Variants in LTBP1 observed in about 807,000 individuals in gnomAD.
The protein encoded by LTBP1 is latent-transforming growth factor beta-binding protein 1.
Under a neutral mutation model 207.6 loss-of-function variants are expected in LTBP1, and 129 were observed. The observed-to-expected ratio is 0.62, with a 90% CI of 0.54 to 0.72. The LOEUF is 0.72. Ranked by LOEUF, LTBP1 falls within the 30% of genes least tolerant of loss-of-function variation. LTBP1 has a pLI of 0.00. For missense variants in LTBP1, 2,281 were observed against 2,217.2 expected (o/e 1.03, Z -0.58); for synonymous variants, 963 against 833.7 (o/e 1.16, Z -2.67).
intron 5 of LTBP1, among the ~76,000 whole-genome samples, chr2:33,158,399 G>A (rs959300287): frequency 6.6e-6 from 1 of 152,024 alleles, no homozygotes; most frequent in African/African-American, 2.4e-5. Context: ...AGACACAGAA[G>A]GCTACTTACT....
At chr2:32,964,498 A>G (rs1013442806) in intron 2 of LTBP1, among the ~76,000 whole-genome samples, 1 of 152,222 alleles carries the variant, frequency 6.6e-6, no homozygotes, top group Admixed American at 6.5e-5. Context: ...TATTAAAATC[A>G]TCAGTTATTG....
chr2:33,301,807 A>T (rs1305552613), intron 22 of LTBP1, among the ~76,000 whole-genome samples, 163 bp downstream of exon 22: 1 of 152,226 alleles, frequency 6.6e-6, no homozygotes, highest in African/African-American at 2.4e-5. Flanking sequence ...AATTCAAAGA[A>T]GGGAGTAGAG....
intron 20 of LTBP1, among the ~76,000 whole-genome samples, chr2:33,297,403 A>C (rs555537255): frequency 1.0e-3 from 10 of 9,572 alleles, no homozygotes; most frequent in Non-Finnish European, 3.6e-3. Flanking sequence ...ATACTGCTTT[A>C]TTTATTTATT....
In LTBP1 at chr2:33,077,131, A is replaced by G. The variant is rs555033226; in HGVS notation, c.864-33451A>G. On this transcript the variant is annotated intron_variant, in intron 3 of 33. Coordinates refer to ENST00000404816, the MANE Select transcript of LTBP1 (RefSeq NM_206943.4). ...GATAGTGTAAGAGGGCCACACGGCTATGGAGAATGTTCCATATAAGCTTCA... is the reference window on the plus strand; with the variant it reads ...GATAGTGTAAGAGGGCCACACGGCTGTGGAGAATGTTCCATATAAGCTTCA... 5.9e-5 allele frequency among the ~76,000 whole-genome samples: 9 copies of G among 152,308 alleles called. No homozygotes were observed. The South Asian group carries it at 1.0e-3, about 18-fold the overall frequency.
chr2:33,246,705 C>T (rs1007172339), intron 10 of LTBP1, among the ~76,000 whole-genome samples: 2 of 152,208 alleles, frequency 1.3e-5, no homozygotes, highest in Non-Finnish European at 2.9e-5. Flanking sequence ...CAACGGGAAG[C>T]ACTTTCTCTT....
At chr2:33,167,484 CAT>C (rs1395928134) in intron 5 of LTBP1, among the ~76,000 whole-genome samples, 2 of 152,182 alleles carry the variant, frequency 1.3e-5, no homozygotes, top group African/African-American at 2.4e-5. Flanking sequence ...TTCTGGAACT[CAT>C]ATGCTTTTGG....
intron 22 of LTBP1, among the ~76,000 whole-genome samples, chr2:33,308,579 C>CT (rs2094134253): frequency 6.6e-6 from 1 of 152,074 alleles, no homozygotes; most frequent in Non-Finnish European, 1.5e-5. Flanking sequence ...TATTCTTTGT[C>CT]TAAATGCATA....
At chr2:33,280,716 A>T (rs948042546) in intron 19 of LTBP1, among the ~76,000 whole-genome samples, 1 of 152,182 alleles carries the variant, frequency 6.6e-6, no homozygotes, top group Non-Finnish European at 1.5e-5. Context: ...AACTCTGAAT[A>T]TGTGAGTTAA....
intron 5 of LTBP1, among the ~76,000 whole-genome samples, chr2:33,167,485 A>C (rs2085029109): frequency 6.6e-6 from 1 of 152,242 alleles, no homozygotes; most frequent in South Asian, 2.1e-4. Context: ...TCTGGAACTC[A>C]TATGCTTTTG....
At chr2:32,985,455 TCC>T (rs1683407531) in intron 2 of LTBP1, among the ~76,000 whole-genome samples, 2 of 152,196 alleles carry the variant, frequency 1.3e-5, no homozygotes, top group African/African-American at 4.8e-5. Context: ...CTCTTCTGTC[TCC>T]TAGAGGAGCT....
At chr2:33,253,134 G>A (rs1039948091) in intron 11 of LTBP1, among the ~76,000 whole-genome samples, 9 of 152,120 alleles carry the variant, frequency 5.9e-5, no homozygotes, top group Non-Finnish European at 1.2e-4. Flanking sequence ...TGATATTTAA[G>A]TGTAGAGAGA....
At chr2:33,364,489 A>G (rs976147614) in intron 30 of LTBP1, 133 bp downstream of exon 30, 5 of 835,336 alleles carry the variant, frequency 6.0e-6, no homozygotes, top group African/African-American at 5.2e-5. Flanking sequence ...ATGAGATACA[A>G]TGAGATACTT....
rs2094948809 is a variant in LTBP1 at position 33,363,432 on chromosome 2, A to G, written c.4313A>G (p.Asn1438Ser). ...CTTTTTGGACAAGAAATCTGCAAAAATGGTTTCTGTTTGAACACTCGGCCT... is the reference window on the plus strand; with the variant it reads ...CTTTTTGGACAAGAAATCTGCAAAAGTGGTTTCTGTTTGAACACTCGGCCT... ...CLLFGQEICKNGFCLNTRPGY... is the reference protein window; with the variant it reads ...CLLFGQEICKSGFCLNTRPGY... The change falls in exon 29 of 34, where the codon AAT becomes AGT. Residue 1438 changes from asparagine to serine, a missense_variant. Around this residue, in one of 3 missense-constraint regions of LTBP1, gnomAD observed 1,671 missense variants for 1,634.8 expected, o/e 1.02. Transcript: ENST00000404816. 1.2e-6 allele frequency: 2 copies of G among 1,613,818 alleles called. No homozygotes were observed. The highest frequency in any genetic ancestry group is 1.7e-5 in the Admixed American group (1 of 59,998).
At chr2:33,053,535 C>T (rs1433318764) in intron 3 of LTBP1, among the ~76,000 whole-genome samples, 1 of 152,086 alleles carries the variant, frequency 6.6e-6, no homozygotes, top group Non-Finnish European at 1.5e-5. Flanking sequence ...CCTCGGCGCC[C>T]AGTCTACTAG....
chr2:32,995,230 G>A (rs1685070161), intron 2 of LTBP1, among the ~76,000 whole-genome samples: 1 of 151,928 alleles, frequency 6.6e-6, no homozygotes, highest in Non-Finnish European at 1.5e-5. Flanking sequence ...TAGCGAGGTT[G>A]AAAACCACCA....
In LTBP1 at chr2:33,275,892, G is replaced by T. The variant is rs1573562298; in HGVS notation, c.2961G>T (p.Gly987=). 3 of 1,606,370 alleles carry T rather than the reference G, an allele frequency of 1.9e-6. No homozygotes were observed. The highest frequency in any genetic ancestry group is 2.6e-6 in the Non-Finnish European group (3 of 1,176,298). The change falls in exon 18 of 34, where the codon GGG becomes GGT. Residue 987 remains glycine (G), a synonymous_variant. Coordinates refer to ENST00000404816, the MANE Select transcript of LTBP1 (RefSeq NM_206943.4). ...GAFRCEYCDS[G]YRMTQRGRCE... ...TCCGGTGTGAATACTGTGACAGCGG[G>T]TACCGCATGACTCAGAGAGGCCGTT...
Position 33,232,619 on chromosome 2 carries a change from T to G in LTBP1, c.1876+10468T>G, listed in dbSNP as rs182500317. ...CTTCTTTTGGGGAGGATTTGCCAAA[T>G]AAAATCCAGAACCCAGTTAAATTTG... is the stretch of plus-strand genomic sequence containing the variant. On this transcript the variant is annotated intron_variant, in intron 9 of 33. Transcript: ENST00000404816. 3.2e-3 allele frequency among the ~76,000 whole-genome samples: 494 copies of G among 152,282 alleles called. 2 individuals carry two copies. Among genetic ancestry groups the G allele is most frequent in the African/African-American group, 0.011 (465 of 41,566 alleles).
At chr2:33,325,587 G>A (rs114008137) in intron 24 of LTBP1, among the ~76,000 whole-genome samples, 2,815 of 152,158 alleles carry the variant, frequency 0.019, 92 homozygotes, top group African/African-American at 0.065. Flanking sequence ...ACTATCCAGT[G>A]GTTATATATA....
At chr2:32,995,183 C>CAAAA (rs374253181) in intron 2 of LTBP1, among the ~76,000 whole-genome samples, 267 of 140,736 alleles carry the variant, frequency 1.9e-3, no homozygotes, top group Non-Finnish European at 3.3e-3. Context: ...ACCCTGTCTC[C>CAAAA]AAAAAAAAAA....
Sources: gnomAD v4.1 joint callset for allele counts (sites outside exome capture counted in the v4.1 genomes callset) on GRCh38, gnomAD v4.1.1 for gene constraint, gnomAD v4.1.1 regional missense constraint, MANE v1.5 for transcripts, NCBI Gene and HGNC (gene_info 2026-07-23, HGNC 2026-07-21) for gene names.